The following CACNA2D2 variants were observed in gnomAD, a reference collection of about 807,000 sequenced individuals.
CACNA2D2 encodes voltage-dependent calcium channel subunit alpha-2/delta-2.
Under a neutral mutation model 166.4 loss-of-function variants are expected in CACNA2D2, and 48 were observed. The observed-to-expected ratio is 0.29, with a 90% CI of 0.23 to 0.37. The LOEUF (loss-of-function observed/expected upper bound fraction) is 0.37. Ranked by LOEUF, CACNA2D2 falls within the 10% of genes least tolerant of loss-of-function variation. The probability of loss-of-function intolerance (pLI) is 1.00; values close to 1 mark genes in which losing one functional copy is unlikely to be tolerated. For missense variants in CACNA2D2, 1,122 were observed against 1,433.0 expected (o/e 0.78, Z 3.50); for synonymous variants, 561 against 573.7 (o/e 0.98, Z 0.32).
At chr3:50,449,947 G>C (rs989244304) in intron 2 of CACNA2D2, among the ~76,000 whole-genome samples, 2 of 152,186 alleles carry the variant, frequency 1.3e-5, no homozygotes, top group South Asian at 4.1e-4. Context: ...AGCTCACAAG[G>C]GCTGTGGAGG....
intron 2 of CACNA2D2, among the ~76,000 whole-genome samples, chr3:50,437,165 G>A (rs1020035463): frequency 3.9e-5 from 6 of 152,164 alleles, no homozygotes; most frequent in Non-Finnish European, 7.3e-5. Flanking sequence ...TGCATCCACC[G>A]TGTTTTCTTC....
rs766615230 is a variant in CACNA2D2, at chr3:50,366,556, G to A, written c.2637+22C>T. On this transcript the variant is annotated intron_variant, in intron 30 of 37. Transcript: ENST00000424201. The surrounding 1 kb of genome is among the most constrained non-coding windows in gnomAD (Gnocchi z 5.9). ...GGAAGTGGGGTAAGCTAGGGTCCAG[G>A]GTAGGTTCAGGGCACACACACCTCA... 3 of 1,613,154 alleles carry A rather than the reference G, an allele frequency of 1.9e-6. No individual in the cohort carries two copies. Among genetic ancestry groups the A allele is most frequent in the Non-Finnish European group, 1.7e-6 (2 of 1,179,236 alleles).
At position 50,374,814 on chromosome 3, in the gene CACNA2D2, C is replaced by G; in HGVS notation, c.1908-1G>C. On this transcript the variant is annotated splice_acceptor_variant, in intron 21 of 37. Transcript: ENST00000424201. LOFTEE classifies it high-confidence loss of function. ...GTAGGGTGGGAGCACCAGCCCCAGGCTGAGGGGGGAGAAGCTCGGGTCACG... is the reference window on the plus strand; with the variant it reads ...GTAGGGTGGGAGCACCAGCCCCAGGGTGAGGGGGGAGAAGCTCGGGTCACG... The G allele has an allele frequency of 6.3e-7, 1 of 1,587,300 alleles. No individual in the cohort carries two copies. Among genetic ancestry groups the G allele is most frequent in the Non-Finnish European group, 8.6e-7 (1 of 1,167,594 alleles).
chr3:50,381,589 A>C (rs912463572), intron 6 of CACNA2D2, among the ~76,000 whole-genome samples: 1 of 149,676 alleles, frequency 6.7e-6, no homozygotes, highest in Non-Finnish European at 1.5e-5. Context: ...AAGTTACCTG[A>C]TAAGCTGGAA....
intron 2 of CACNA2D2, among the ~76,000 whole-genome samples, chr3:50,458,827 A>T (rs1168396734): frequency 6.6e-6 from 1 of 152,256 alleles, no homozygotes; most frequent in Non-Finnish European, 1.5e-5. Context: ...GGGGAACCCC[A>T]AAGGCTAGGT....
chr3:50,464,571 G>C (rs1008981822), intron 2 of CACNA2D2, among the ~76,000 whole-genome samples: 1 of 152,314 alleles, frequency 6.6e-6, no homozygotes, highest in East Asian at 1.9e-4. Context: ...TAAAAGCTGT[G>C]GTCTGAGGGG....
intron 1 of CACNA2D2, among the ~76,000 whole-genome samples, chr3:50,491,307 G>T (rs187772632): frequency 6.6e-6 from 1 of 152,326 alleles, no homozygotes; most frequent in East Asian, 1.9e-4. Context: ...GGACACTGAG[G>T]CTCGGAGGAG....
chr3:50,406,147 C>T (rs1048496081), intron 3 of CACNA2D2, among the ~76,000 whole-genome samples: 5 of 151,784 alleles, frequency 3.3e-5, no homozygotes, highest in African/African-American at 4.8e-5. Flanking sequence ...TCCAGGTGAC[C>T]GCTAATGAAA....
chr3:50,394,065 G>A (rs780200015), intron 4 of CACNA2D2, 44 bp downstream of exon 4: 1 of 1,578,698 alleles, frequency 6.3e-7, no homozygotes, highest in African/African-American at 1.3e-5. Context: ...TCCACGCATG[G>A]ATGGGCATGC....
intron 2 of CACNA2D2, among the ~76,000 whole-genome samples, chr3:50,449,913 C>T (rs1383225737): frequency 6.6e-6 from 1 of 152,164 alleles, no homozygotes; most frequent in Admixed American, 6.5e-5. Context: ...TTCTCCCACA[C>T]AATGACAGGA....
Position 50,393,550 on chromosome 3 carries a change from G to C in CACNA2D2, c.465+559C>G, listed in dbSNP as rs79498698. ...CCCTCCCTCACACACTAGATCCTCT[G>C]CGCTCAGCTTCTTGCACCTCTGCTC... On this transcript the variant is annotated intron_variant, in intron 4 of 37. Transcript: ENST00000424201. Among the ~76,000 whole-genome samples the C allele has an allele frequency of 2.0e-5, 3 of 152,192 alleles. No homozygotes were observed. In the East Asian group the frequency reaches 5.8e-4, roughly 29 times the overall value.
intron 3 of CACNA2D2, among the ~76,000 whole-genome samples, chr3:50,425,704 C>T (rs956824684): frequency 6.6e-6 from 1 of 152,216 alleles, no homozygotes; most frequent in African/African-American, 2.4e-5. Context: ...GCTCCCTTCG[C>T]CACCTGGGAC....
chr3:50,429,527 CG>C (rs1177194725), intron 3 of CACNA2D2, among the ~76,000 whole-genome samples: 4 of 141,908 alleles, frequency 2.8e-5, no homozygotes, highest in Non-Finnish European at 3.0e-5. Flanking sequence ...CCGAGACGGG[CG>C]GATCACGAGG....
intron 1 of CACNA2D2, among the ~76,000 whole-genome samples, chr3:50,502,139 C>G (rs772853186): frequency 2.0e-5 from 3 of 152,134 alleles, no homozygotes; most frequent in Admixed American, 6.5e-5. Flanking sequence ...GTTTAAATGA[C>G]GCAGAGCCAG....
At chr3:50,465,167 G>A (rs1709774142) in intron 2 of CACNA2D2, among the ~76,000 whole-genome samples, 1 of 152,258 alleles carries the variant, frequency 6.6e-6, no homozygotes, top group African/African-American at 2.4e-5. Context: ...CAGCTGCCCG[G>A]GAGGTGGCCA....
At chr3:50,472,245 A>G (rs1710129601) in intron 2 of CACNA2D2, among the ~76,000 whole-genome samples, 2 of 152,234 alleles carry the variant, frequency 1.3e-5, no homozygotes, top group South Asian at 4.1e-4. Context: ...AACTAGCAGC[A>G]TGTAGCTGGG....
intron 1 of CACNA2D2, among the ~76,000 whole-genome samples, chr3:50,489,076 C>G (rs1168448692): frequency 6.6e-6 from 1 of 152,144 alleles, no homozygotes; most frequent in East Asian, 1.9e-4. Context: ...GCAGAAGGTG[C>G]TCAAAAAATG....
chr3:50,385,277 G>A (rs1235679990), intron 5 of CACNA2D2, among the ~76,000 whole-genome samples: 3 of 152,156 alleles, frequency 2.0e-5, no homozygotes, highest in African/African-American at 7.2e-5. Flanking sequence ...TAAGGGTGGA[G>A]AGCAAAGCTC....
chr3:50,378,290 G>T lies in CACNA2D2; in HGVS notation c.1383C>A (p.Asn461Lys). The T allele has an allele frequency of 1.3e-6, 2 of 1,553,400 alleles. No individual in the cohort carries two copies. The highest frequency in any genetic ancestry group is 1.2e-5 in the South Asian group (1 of 84,416). ...EIPSIGAIRI[N>K]TQEYLDVLGR... is the part of the protein sequence containing the mutation. ...GGGCCTCCCCAAGTCTCACCTGTGT[G>T]TTGATGCGGATGGCTCCGATGGAAG... Residue 461 changes from asparagine to lysine, a missense_variant, in exon 14 of 38, where the codon AAC becomes AAA. Asn to Lys is a moderately conservative substitution (Grantham distance 94). Around this residue, in one of 2 missense-constraint regions of CACNA2D2, gnomAD observed 840 missense variants for 1,166.8 expected, o/e 0.72. Transcript: ENST00000424201.
Sources: allele counts gnomAD v4.1 joint callset (sites outside exome capture counted in the v4.1 genomes callset), GRCh38; gene constraint gnomAD v4.1.1; regional missense constraint gnomAD v4.1.1; non-coding constraint Gnocchi (gnomAD v3.1); transcripts MANE v1.5; gene names NCBI Gene and HGNC (gene_info 2026-07-23, HGNC 2026-07-21).